The following SPATA17 variants were observed in gnomAD, a reference collection of about 807,000 sequenced individuals.
The protein encoded by SPATA17 is spermatogenesis associated 17.
Under a neutral mutation model 62.2 loss-of-function variants are expected in SPATA17, and 53 were observed. The ratio of observed to expected loss-of-function variants is 0.85; its 90% confidence interval spans 0.68 to 1.07. The LOEUF (loss-of-function observed/expected upper bound fraction) is 1.07. Ranked by LOEUF, SPATA17 falls within the 50% of genes least tolerant of loss-of-function variation. SPATA17 has a pLI of 0.00. For missense variants in SPATA17, 466 were observed against 425.5 expected (o/e 1.10, Z -0.84); for synonymous variants, 146 against 146.8 (o/e 0.99, Z 0.04).
intron 8 of SPATA17, among the ~76,000 whole-genome samples, chr1:217,795,874 C>T (rs1032757606): frequency 5.9e-5 from 9 of 152,038 alleles, no homozygotes; most frequent in South Asian, 2.1e-4. Flanking sequence ...TCGTGACTCA[C>T]GGCAGCTTTG....
At position 217,859,100 on chromosome 1, in the gene SPATA17, G is replaced by T. The variant is rs1291134883; in HGVS notation, c.1006-3674G>T. On this transcript the variant is annotated intron_variant, in intron 9 of 10. Coordinates refer to ENST00000366933, the MANE Select transcript of SPATA17 (RefSeq NM_138796.4). ...TTATATATGTAGAAAATTATATAGA[G>T]AGAAATGTTTATATTATACATAAAT... Among the ~76,000 whole-genome samples, 4 of 145,986 alleles carry T rather than the reference G, an allele frequency of 2.7e-5. No individual in the cohort carries two copies. The East Asian group carries it at 7.9e-4, about 29-fold the overall frequency.
chr1:217,823,391 GTTGT>G (rs1674916618), intron 9 of SPATA17, among the ~76,000 whole-genome samples: 1 of 151,952 alleles, frequency 6.6e-6, no homozygotes, highest in Non-Finnish European at 1.5e-5. Flanking sequence ...AACTGAGAAT[GTTGT>G]TTTTTAGGAG....
intron 9 of SPATA17, among the ~76,000 whole-genome samples, chr1:217,803,844 C>T (rs1328468319): frequency 6.6e-6 from 1 of 151,970 alleles, no homozygotes; most frequent in Non-Finnish European, 1.5e-5. Context: ...TTGGTGAAAC[C>T]CTGCCTTTAC....
chr1:217,850,484 T>C, intron 9 of SPATA17: 2 of 1,488,392 alleles, frequency 1.3e-6, no homozygotes. Flanking sequence ...CAGCCTCTTC[T>C]AGCTGCATGC....
At chr1:217,640,187 T>C (rs1670028239) in intron 1 of SPATA17, among the ~76,000 whole-genome samples, 2 of 151,950 alleles carry the variant, frequency 1.3e-5, no homozygotes, top group Non-Finnish European at 2.9e-5. Context: ...TTCTATAGAA[T>C]ACAGTTGTCT....
intron 8 of SPATA17, among the ~76,000 whole-genome samples, chr1:217,790,089 G>A (rs1032617759): frequency 6.6e-6 from 1 of 152,086 alleles, no homozygotes; most frequent in Non-Finnish European, 1.5e-5. Flanking sequence ...TAACCGGTTA[G>A]GGGGAATGAC....
intron 7 of SPATA17, 129 bp from the exon 8 acceptor site, chr1:217,782,045 G>A: frequency 1.2e-6 from 1 of 863,462 alleles, no homozygotes; most frequent in Non-Finnish European, 1.6e-6. Flanking sequence ...ACTCAGCGAA[G>A]AACAAATGGT....
At chr1:217,746,262 A>T (rs1672748640) in intron 6 of SPATA17, among the ~76,000 whole-genome samples, 1 of 152,038 alleles carries the variant, frequency 6.6e-6, no homozygotes, top group Non-Finnish European at 1.5e-5. Flanking sequence ...TTTTATAAAA[A>T]GTATACCAGG....
chr1:217,667,551 T>C (rs1056807000), intron 3 of SPATA17, among the ~76,000 whole-genome samples: 4 of 152,072 alleles, frequency 2.6e-5, no homozygotes, highest in African/African-American at 9.7e-5. Context: ...AGACTTTCAG[T>C]AAGTTGTTCA....
Position 217,654,451 on chromosome 1 carries a change from G to A in SPATA17, c.240+3273G>A, listed in dbSNP as rs1399855603. 3.3e-5 allele frequency among the ~76,000 whole-genome samples: 5 copies of A among 151,804 alleles called. No individual in the cohort carries two copies. In the East Asian group the frequency reaches 7.7e-4, roughly 23 times the overall value. On this transcript the variant is annotated intron_variant, in intron 3 of 10. Coordinates refer to ENST00000366933, the MANE Select transcript of SPATA17 (RefSeq NM_138796.4). ...GCATAAGATTTTTAAAATTTATTGTGCTATCATTTACATTCAGGCCACTTT... is the reference window on the plus strand; with the variant it reads ...GCATAAGATTTTTAAAATTTATTGTACTATCATTTACATTCAGGCCACTTT...
At chr1:217,778,484 G>T (rs2102974595) in intron 7 of SPATA17, among the ~76,000 whole-genome samples, 1 of 152,282 alleles carries the variant, frequency 6.6e-6, no homozygotes, top group East Asian at 1.9e-4. Context: ...TCACACCATT[G>T]CACTCCAGCC....
At chr1:217,797,674 A>T (rs2102985687) in intron 8 of SPATA17, among the ~76,000 whole-genome samples, 1 of 152,286 alleles carries the variant, frequency 6.6e-6, no homozygotes, top group African/African-American at 2.4e-5. Flanking sequence ...AAATTAAATC[A>T]ATGTCATTTA....
chr1:217,842,718 C>T (rs774459155), intron 9 of SPATA17, among the ~76,000 whole-genome samples: 5 of 151,724 alleles, frequency 3.3e-5, no homozygotes, highest in South Asian at 2.1e-4. Flanking sequence ...ACTGAATTTT[C>T]GCTTTGTTAG....
At chr1:217,682,442 AG>A (rs1025824196) in intron 4 of SPATA17, among the ~76,000 whole-genome samples, 6 of 151,972 alleles carry the variant, frequency 3.9e-5, no homozygotes, top group African/African-American at 1.4e-4. Context: ...TTGAAGTAAA[AG>A]ATGTAAGAAG....
At chr1:217,661,163 T>A (rs1301821499) in intron 3 of SPATA17, among the ~76,000 whole-genome samples, 1 of 152,086 alleles carries the variant, frequency 6.6e-6, no homozygotes, top group Non-Finnish European at 1.5e-5. Context: ...GAAAAAAGTA[T>A]GTGAACAGTA....
At chr1:217,786,795 C>CTTCTTCTTA (rs1558050866) in intron 8 of SPATA17, among the ~76,000 whole-genome samples, 1 of 150,866 alleles carries the variant, frequency 6.6e-6, no homozygotes, top group Non-Finnish European at 1.5e-5. Context: ...TCTTCTTCTT[C>CTTCTTCTTA]TTCTTCTTCT....
At chr1:217,682,225 G>A (rs370740443) in intron 4 of SPATA17, among the ~76,000 whole-genome samples, 10 of 151,864 alleles carry the variant, frequency 6.6e-5, no homozygotes, top group Admixed American at 2.0e-4. Flanking sequence ...AGGGGTATTA[G>A]AAAATATAGC....
At chr1:217,820,347 G>A (rs1287852779) in intron 9 of SPATA17, among the ~76,000 whole-genome samples, 1 of 152,006 alleles carries the variant, frequency 6.6e-6, no homozygotes, top group Non-Finnish European at 1.5e-5. Flanking sequence ...AATGAATGGA[G>A]AAGAGACAAG....
intron 7 of SPATA17, 185 bp from the exon 8 acceptor site, chr1:217,781,989 G>A: frequency 8.4e-6 from 4 of 478,300 alleles, no homozygotes; most frequent in Non-Finnish European, 1.4e-5. Flanking sequence ...TTTTACTTGA[G>A]AGAACATTGC....
Sources: allele counts gnomAD v4.1 joint callset (sites outside exome capture counted in the v4.1 genomes callset), GRCh38; gene constraint gnomAD v4.1.1; transcripts MANE v1.5; gene names NCBI Gene and HGNC (gene_info 2026-07-23, HGNC 2026-07-21).